TBL1XR1: variants seen among roughly 807,000 people sequenced by gnomAD.
TBL1XR1 encodes the protein F-box-like/WD repeat-containing protein TBL1XR1.
A neutral mutation model predicts 66.9 loss-of-function variants in TBL1XR1; 5 were observed. The ratio of observed to expected loss-of-function variants is 0.07; its 90% CI spans 0.04 to 0.16. The LOEUF is 0.16. Among genes scored for constraint, TBL1XR1 ranks in the 10% least tolerant of loss-of-function variants. The probability of loss-of-function intolerance (pLI) is 1.00; values close to 1 mark genes in which losing one functional copy is unlikely to be tolerated. For missense variants in TBL1XR1, 238 were observed against 623.2 expected (o/e 0.38, Z 6.58); for synonymous variants, 210 against 206.0 (o/e 1.02, Z -0.17).
chr3:177,049,368 T>C (rs1396423539), intron 7 of TBL1XR1, among the ~76,000 whole-genome samples: 1 of 152,182 alleles, frequency 6.6e-6, no homozygotes, highest in African/African-American at 2.4e-5. Context: ...TTTAAAACTA[T>C]AATGGTGAGA....
chr3:177,175,551 T>A (rs942105222), intron 1 of TBL1XR1, among the ~76,000 whole-genome samples: 4 of 152,196 alleles, frequency 2.6e-5, no homozygotes, highest in African/African-American at 7.2e-5. Flanking sequence ...ACACACTCCC[T>A]GTAATTTGGG....
chr3:177,138,999 T>C (rs566451855), intron 1 of TBL1XR1, among the ~76,000 whole-genome samples: 1 of 152,250 alleles, frequency 6.6e-6, no homozygotes, highest in African/African-American at 2.4e-5. Flanking sequence ...ATATACATAC[T>C]GCAACAGAAA....
rs1723362943 is a variant in TBL1XR1 at position 177,095,497 on chromosome 3, T to TA, written c.-46+2968_-46+2969insT. On this transcript the variant is annotated intron_variant, in intron 2 of 15. Coordinates refer to ENST00000457928, the MANE Select transcript of TBL1XR1 (RefSeq NM_024665.7). ...ATCATGATTAAAGGTGCAATTAGAT[T>TA]TTTTTTTTTTTTGAGATGGTGTCTC... Among the ~76,000 whole-genome samples, 5 of 57,802 alleles carry TA rather than the reference T, an allele frequency of 8.7e-5. No individual in the cohort carries two copies. The South Asian group carries it at 2.1e-3, about 24-fold the overall frequency. 37.9% of individuals were successfully genotyped at this position (57,802 alleles called of 152,430 possible).
At chr3:177,117,258 G>A (rs1422273640) in intron 1 of TBL1XR1, among the ~76,000 whole-genome samples, 1 of 152,136 alleles carries the variant, frequency 6.6e-6, no homozygotes, top group Non-Finnish European at 1.5e-5. Flanking sequence ...CCTGTTCCCT[G>A]TCTTCCAAAT....
At chr3:177,134,613 T>C (rs543592389) in intron 1 of TBL1XR1, among the ~76,000 whole-genome samples, 2 of 152,338 alleles carry the variant, frequency 1.3e-5, no homozygotes, top group South Asian at 4.1e-4. Flanking sequence ...CCCCCTTATG[T>C]TTCCTTAAAG....
Position 177,030,093 on chromosome 3 carries a change from GGTGTGTGTGTGTATGT to G in TBL1XR1, c.1416+2862_1416+2877del, listed in dbSNP as rs1026053401. Among the ~76,000 whole-genome samples, 25 of 151,056 alleles carry G rather than the reference GGTGTGTGTGTGTATGT, an allele frequency of 1.7e-4. No homozygotes were observed. The South Asian group carries it at 3.8e-3, about 23-fold the overall frequency. On this transcript the variant is annotated intron_variant, in intron 14 of 15. Transcript: ENST00000457928. ...CCACTTACAGGATATGCTATGCACAGGTGTGTGTGTGTATGTGTGTGTGTGTGTATATATATATAGA... is the reference window on the plus strand; with the variant it reads ...CCACTTACAGGATATGCTATGCACAGGTGTGTGTGTGTATATATATATAGA...
In TBL1XR1 at chr3:177,025,358, T is replaced by A; in HGVS notation, c.*140A>T. On this transcript the variant is annotated 3_prime_UTR_variant, in exon 16 of 16. Coordinates refer to ENST00000457928, the MANE Select transcript of TBL1XR1 (RefSeq NM_024665.7). ...AGGGTGCAATTTTGTTTATATACACTGTATGTATATATTTCTTTTAGATTT... is the reference window on the plus strand; with the variant it reads ...AGGGTGCAATTTTGTTTATATACACAGTATGTATATATTTCTTTTAGATTT... The A allele has an allele frequency of 1.4e-6, 1 of 734,818 alleles. No individual in the cohort carries two copies. The highest frequency in any genetic ancestry group is 2.2e-6 in the Non-Finnish European group (1 of 459,268). The allele number at this position is 734,818 out of a possible 1,614,324, so 45.5% of individuals were successfully genotyped here.
At chr3:177,047,458 A>ACTT (rs1265164851) in intron 8 of TBL1XR1, 28 bp downstream of exon 8, 1 of 1,609,432 alleles carries the variant, frequency 6.2e-7, no homozygotes, top group African/African-American at 1.3e-5. Flanking sequence ...GATCAACAAC[A>ACTT]AAGTAAAAAG....
At chr3:177,069,800 G>GGAAA in intron 2 of TBL1XR1, among the ~76,000 whole-genome samples, 1 of 92,292 alleles carries the variant, frequency 1.1e-5, no homozygotes, top group African/African-American at 3.9e-5. Context: ...AGGAAAGGAA[G>GGAAA]GAAGGAAGGA....
At chr3:177,049,544 G>A (rs1716767538) in intron 7 of TBL1XR1, among the ~76,000 whole-genome samples, 1 of 152,104 alleles carries the variant, frequency 6.6e-6, no homozygotes, top group Non-Finnish European at 1.5e-5. Flanking sequence ...TGGTAATAAA[G>A]TTCTACCAGT....
rs1178349767 is a variant in TBL1XR1, at chr3:177,022,478, A to G, written c.*3020T>C. 6.6e-6 allele frequency: 1 copy of G among 152,534 alleles called. No individual in the cohort carries two copies. Among genetic ancestry groups the G allele is most frequent in the Non-Finnish European group, 1.5e-5 (1 of 67,968 alleles). 9.4% of individuals were successfully genotyped at this position (152,534 alleles called of 1,614,324 possible). On this transcript the variant is annotated 3_prime_UTR_variant, in exon 16 of 16. Coordinates refer to ENST00000457928, the MANE Select transcript of TBL1XR1 (RefSeq NM_024665.7). ...AATATAAGAACTTATGGGATTTCCT[A>G]CACGGAGACAAAAAAAGATATTCCT...
chr3:177,099,845 TA>T (rs1190218255), intron 1 of TBL1XR1, among the ~76,000 whole-genome samples: 2 of 152,282 alleles, frequency 1.3e-5, no homozygotes, highest in Non-Finnish European at 2.9e-5. Flanking sequence ...ACTTGTTATC[TA>T]AAAATCAATG....
intron 1 of TBL1XR1, among the ~76,000 whole-genome samples, chr3:177,124,448 A>AGTTCT (rs1727362090): frequency 6.6e-6 from 1 of 151,250 alleles, no homozygotes; most frequent in Non-Finnish European, 1.5e-5. Context: ...GTTATTAGAC[A>AGTTCT]GTTCTATTAG....
intron 1 of TBL1XR1, among the ~76,000 whole-genome samples, chr3:177,123,727 A>G (rs1431007129): frequency 2.0e-5 from 3 of 152,036 alleles, no homozygotes; most frequent in Admixed American, 1.3e-4. Flanking sequence ...ACCTTAAAAC[A>G]TATGATTCAA....
intron 1 of TBL1XR1, among the ~76,000 whole-genome samples, chr3:177,180,235 CAAAAAAAAAAAAAA>C (rs34198735): frequency 2.8e-5 from 2 of 72,228 alleles, no homozygotes; most frequent in African/African-American, 1.2e-4. Context: ...GACTCCGTCT[CAAAAAAAAAAAAAA>C]AAAAAAAAGC....
rs551565968 is a variant in TBL1XR1 at position 177,160,680 on chromosome 3, A to G, written c.-122+36441T>C. ...ATTATTTGAAACTCAGTCCTAAATC[A>G]TAAAACATGTTTATAAAGAGCTAAA... On this transcript the variant is annotated intron_variant, in intron 1 of 15. Coordinates refer to ENST00000457928, the MANE Select transcript of TBL1XR1 (RefSeq NM_024665.7). 3.9e-5 allele frequency among the ~76,000 whole-genome samples: 6 copies of G among 152,188 alleles called. No individual in the cohort carries two copies. The East Asian group carries it at 1.2e-3, about 29-fold the overall frequency.
At chr3:177,130,636 G>A (rs145092077) in intron 1 of TBL1XR1, among the ~76,000 whole-genome samples, 4 of 152,216 alleles carry the variant, frequency 2.6e-5, no homozygotes, top group African/African-American at 9.6e-5. Flanking sequence ...GTTTTTTGCT[G>A]TATACACTTT....
chr3:177,037,159 C>A (rs946745175), intron 12 of TBL1XR1, among the ~76,000 whole-genome samples: 1 of 152,166 alleles, frequency 6.6e-6, no homozygotes, highest in Non-Finnish European at 1.5e-5. Flanking sequence ...CATAGTCATA[C>A]CACAGCAAAA....
chr3:177,050,283 G>A (rs973064765), intron 6 of TBL1XR1, 145 bp from the exon 7 acceptor site: 13 of 1,262,922 alleles, frequency 1.0e-5, no homozygotes, highest in Admixed American at 2.5e-5. Context: ...CATTCTACAC[G>A]TTGGGACCCC....
Sources: gnomAD v4.1 joint callset for allele counts (sites outside exome capture counted in the v4.1 genomes callset) on GRCh38, gnomAD v4.1.1 for gene constraint, MANE v1.5 for transcripts, NCBI Gene and HGNC (gene_info 2026-07-23, HGNC 2026-07-21) for gene names.